Variants in TRAPPC12 observed in about 807,000 individuals in gnomAD.
The protein encoded by TRAPPC12 is TPR repeat protein 15.
In TRAPPC12, 61 loss-of-function variants were observed where a neutral mutation model predicts 69.2. The ratio of observed to expected loss-of-function variants is 0.88; its 90% CI spans 0.72 to 1.09. The LOEUF (loss-of-function observed/expected upper bound fraction) is 1.09, where lower values mean the gene tolerates loss of function less well. Among genes scored for constraint, TRAPPC12 ranks in the 50% least tolerant of loss-of-function variants. TRAPPC12 has a pLI of 0.00. For synonymous variants in TRAPPC12, 469 were observed against 438.9 expected (o/e 1.07, Z -0.86); for missense variants, 1,101 against 1,016.4 (o/e 1.08, Z -1.13).
At chr2:3,470,504 A>G (rs1302726894) in intron 9 of TRAPPC12, among the ~76,000 whole-genome samples, 2 of 152,224 alleles carry the variant, frequency 1.3e-5, no homozygotes, top group Non-Finnish European at 2.9e-5. Flanking sequence ...GAATCTTCTC[A>G]TGGACAACAG....
chr2:3,462,893 C>T (rs990232148), intron 8 of TRAPPC12: 11 of 470,876 alleles, frequency 2.3e-5, no homozygotes, highest in African/African-American at 4.0e-5. Flanking sequence ...GCCGTGGCTC[C>T]GCACATGATG....
intron 5 of TRAPPC12, among the ~76,000 whole-genome samples, chr2:3,438,298 A>AT (rs1463307715): frequency 7.2e-4 from 26 of 36,136 alleles, no homozygotes; most frequent in African/African-American, 2.8e-3. Flanking sequence ...CCCTGGATTA[A>AT]CCCCCATCAC....
chr2:3,473,332 T>TGCG (rs1277319381), intron 9 of TRAPPC12, among the ~76,000 whole-genome samples: 3 of 152,236 alleles, frequency 2.0e-5, no homozygotes, highest in African/African-American at 7.2e-5. Flanking sequence ...CTTTCTTTTA[T>TGCG]TCGTTTATGT....
At position 3,401,845 on chromosome 2, in the gene TRAPPC12, A is replaced by G; in HGVS notation, c.1116A>G (p.Leu372=). 1 of 1,603,262 alleles carries G rather than the reference A, an allele frequency of 6.2e-7. No homozygotes were observed. Among genetic ancestry groups the G allele is most frequent in the Non-Finnish European group, 8.5e-7 (1 of 1,176,400 alleles). Residue 372 remains leucine, a synonymous_variant, in exon 3 of 12, where the codon CTA becomes CTG. Coordinates refer to ENST00000324266, the MANE Select transcript of TRAPPC12 (RefSeq NM_016030.6). The part of the protein sequence containing the change: ...GEKAAAKRQV[L]NADSVEQSFV... Reference sequence around the variant, plus strand: ...AAGCTGCAGCAAAGAGACAAGTCCTAAATGCCGACTCAGTGGAACAATCTT... The same window carrying G: ...AAGCTGCAGCAAAGAGACAAGTCCTGAATGCCGACTCAGTGGAACAATCTT...
rs573849064 is a variant in TRAPPC12 at position 3,381,303 on chromosome 2, A to G, written c.-5+1427A>G. 1.2e-4 allele frequency among the ~76,000 whole-genome samples: 19 copies of G among 152,346 alleles called. No homozygotes were observed. The South Asian group carries it at 3.1e-3, about 25-fold the overall frequency. On this transcript the variant is annotated intron_variant, in intron 1 of 11. Coordinates refer to ENST00000324266, the MANE Select transcript of TRAPPC12 (RefSeq NM_016030.6). ...TGGAAGGAAATTTTACATGACTGCA[A>G]TTTGGTAAAAGATATGTTTACAGAG...
chr2:3,402,228 G>A (rs1295584565), intron 3 of TRAPPC12, among the ~76,000 whole-genome samples: 2 of 152,146 alleles, frequency 1.3e-5, no homozygotes, highest in Non-Finnish European at 2.9e-5. Flanking sequence ...ATTTTGTGTA[G>A]AAAGTTTATT....
chr2:3,424,678 TTTAATATTTGTA>T lies in TRAPPC12; in HGVS notation c.1417+16_1417+27del, dbSNP rs1185844408. 6.4e-7 allele frequency: 1 copy of T among 1,572,404 alleles called. No individual in the cohort carries two copies. Among genetic ancestry groups the T allele is most frequent in the African/African-American group, 1.4e-5 (1 of 72,964 alleles). ...TGGGCGCAGGGGTAAGGCCATGGTA[TTTAATATTTGTA>T]CATTTGTCTGTGTGTCGCTCTGGTT... is the stretch of plus-strand genomic sequence containing the variant. On this transcript the variant is annotated intron_variant, in intron 5 of 11. Coordinates refer to ENST00000324266, the MANE Select transcript of TRAPPC12 (RefSeq NM_016030.6).
chr2:3,421,269 T>C (rs960267030), intron 3 of TRAPPC12, among the ~76,000 whole-genome samples: 8 of 152,238 alleles, frequency 5.3e-5, no homozygotes, highest in Admixed American at 5.2e-4. Flanking sequence ...AATCAGCCAG[T>C]GTGTCAGTAC....
At chr2:3,466,427 A>C (rs527356072) in intron 9 of TRAPPC12, 6 of 468,724 alleles carry the variant, frequency 1.3e-5, no homozygotes, top group Non-Finnish European at 2.2e-5. Flanking sequence ...ATTTCACCTC[A>C]CGGTGTGACT....
chr2:3,382,215 A>G (rs370538754), intron 1 of TRAPPC12, among the ~76,000 whole-genome samples: 11 of 146,034 alleles, frequency 7.5e-5, no homozygotes, highest in Admixed American at 7.2e-4. Flanking sequence ...GCTCACTGCA[A>G]CCTCCGCCTC....
intron 3 of TRAPPC12, among the ~76,000 whole-genome samples, chr2:3,407,113 G>T (rs1661774078): frequency 6.6e-6 from 1 of 152,246 alleles, no homozygotes; most frequent in Non-Finnish European, 1.5e-5. Flanking sequence ...AGTTTCCTAA[G>T]ATTGTAATTT....
chr2:3,436,241 A>G (rs1663769586), intron 5 of TRAPPC12, among the ~76,000 whole-genome samples: 1 of 152,190 alleles, frequency 6.6e-6, no homozygotes. Context: ...GAAAAAAAAT[A>G]CATATTTTAA....
chr2:3,473,746 C>T (rs1666168843), intron 9 of TRAPPC12, among the ~76,000 whole-genome samples: 1 of 152,230 alleles, frequency 6.6e-6, no homozygotes, highest in Non-Finnish European at 1.5e-5. Context: ...GCTGGGATTA[C>T]AGGCATGAGC....
intron 6 of TRAPPC12, among the ~76,000 whole-genome samples, chr2:3,450,701 G>T (rs555547742): frequency 6.6e-6 from 1 of 152,128 alleles, no homozygotes; most frequent in Non-Finnish European, 1.5e-5. Flanking sequence ...CTGGAAGGTC[G>T]CAGGACTTTC....
At chr2:3,382,553 A>G (rs893959980) in intron 1 of TRAPPC12, among the ~76,000 whole-genome samples, 1 of 152,226 alleles carries the variant, frequency 6.6e-6, no homozygotes, top group African/African-American at 2.4e-5. Flanking sequence ...TAGCAGTGGA[A>G]TTGCTAGGTC....
At chr2:3,428,278 A>G (rs544130532) in intron 5 of TRAPPC12, among the ~76,000 whole-genome samples, 1 of 152,382 alleles carries the variant, frequency 6.6e-6, no homozygotes, top group East Asian at 1.9e-4. Flanking sequence ...GACATAAATC[A>G]TACATACATT....
At chr2:3,457,717 C>G in intron 7 of TRAPPC12, 24 bp downstream of exon 7, 2 of 1,606,952 alleles carry the variant, frequency 1.2e-6, no homozygotes, top group Middle Eastern at 1.7e-4. Flanking sequence ...ACTTTGCTGA[C>G]TAGATGCTTC....
chr2:3,389,477 C>T (rs1660696600), intron 2 of TRAPPC12, among the ~76,000 whole-genome samples: 1 of 152,240 alleles, frequency 6.6e-6, no homozygotes, highest in East Asian at 1.9e-4. Flanking sequence ...TGGACTCCTG[C>T]GTCCAGGCGA....
chr2:3,410,942 A>G (rs193127493), intron 3 of TRAPPC12, among the ~76,000 whole-genome samples: 135 of 152,332 alleles, frequency 8.9e-4, no homozygotes, highest in Non-Finnish European at 1.5e-3. Flanking sequence ...AGGCAGGAGA[A>G]TGGCTTGAAC....
Sources: allele counts gnomAD v4.1 joint callset (sites outside exome capture counted in the v4.1 genomes callset), GRCh38; gene constraint gnomAD v4.1.1; transcripts MANE v1.5; gene names NCBI Gene and HGNC (gene_info 2026-07-23, HGNC 2026-07-21).